The following CFAP46 variants were observed in gnomAD, a reference collection of about 807,000 sequenced individuals.
CFAP46 encodes the protein cilia and flagella associated protein 46.
Under a neutral mutation model 325.7 loss-of-function variants are expected in CFAP46, and 245 were observed. The ratio of observed to expected loss-of-function variants is 0.75; its 90% CI spans 0.68 to 0.84. The LOEUF (loss-of-function observed/expected upper bound fraction) is 0.84, where lower values mean the gene tolerates loss of function less well. CFAP46 is among the 40% of genes least tolerant of loss of function. CFAP46 has a pLI of 0.00. For synonymous variants in CFAP46, 1,523 were observed against 1,495.9 expected (o/e 1.02, Z -0.42); for missense variants, 3,346 against 3,543.0 (o/e 0.94, Z 1.41).
intron 54 of CFAP46, 56 bp from the exon 55 acceptor site, chr10:132,812,953 A>G: frequency 1.5e-6 from 2 of 1,376,388 alleles, no homozygotes; most frequent in East Asian, 2.3e-5. Flanking sequence ...ACCAGACCCC[A>G]CCGTGCGTTC....
intron 32 of CFAP46, among the ~76,000 whole-genome samples, chr10:132,872,106 C>A (rs1174803601): frequency 6.6e-6 from 1 of 152,040 alleles, no homozygotes; most frequent in Non-Finnish European, 1.5e-5. Flanking sequence ...TCTGGAAAAC[C>A]AAAAAATTCA....
At chr10:132,850,164 C>T (rs946567591) in intron 41 of CFAP46, 80 bp downstream of exon 41, 11 of 1,398,712 alleles carry the variant, frequency 7.9e-6, no homozygotes, top group Admixed American at 4.0e-5. Flanking sequence ...TCACAGGAGT[C>T]CTAAACACTT....
At chr10:132,855,014 C>T (rs950677435) in intron 39 of CFAP46, among the ~76,000 whole-genome samples, 1 of 152,150 alleles carries the variant, frequency 6.6e-6, no homozygotes, top group African/African-American at 2.4e-5. Context: ...GTTGGGTGAA[C>T]GTTCTAGAAA....
intron 41 of CFAP46, 46 bp downstream of exon 41, chr10:132,850,198 T>A: frequency 6.5e-7 from 1 of 1,535,888 alleles, no homozygotes; most frequent in South Asian, 1.2e-5. Flanking sequence ...CAGGCACGGG[T>A]GACTGGTGTT....
At chr10:132,810,736 C>T (rs1410499110) in intron 56 of CFAP46, 7 of 722,970 alleles carry the variant, frequency 9.7e-6, no homozygotes, top group Non-Finnish European at 1.8e-5. Context: ...GGGGACCCGG[C>T]TCCCGTGGGC....
At position 132,924,800 on chromosome 10, in the gene CFAP46, G is replaced by A. The variant is rs986112144; in HGVS notation, c.1152C>T (p.Cys384=). Residue 384 remains cysteine, a synonymous_variant, in exon 11 of 58, where the codon TGC becomes TGT. Coordinates refer to ENST00000368586, the MANE Select transcript of CFAP46 (RefSeq NM_001200049.3). ...LGDPRVIHVV[C]ATQWNTCLPL... ...GCAGGCAGGTGTTCCACTGCGTGGC[G>A]CACACCACGTGGATGACCCGGGGGT... 14 of 1,506,238 alleles carry A rather than the reference G, an allele frequency of 9.3e-6. No individual in the cohort carries two copies. Among genetic ancestry groups the A allele is most frequent in the Admixed American group, 9.2e-5 (4 of 43,432 alleles). 93.3% of individuals were successfully genotyped at this position (1,506,238 alleles called of 1,614,324 possible). A position where few individuals can be genotyped will look rare whatever the true frequency, so the allele number is the denominator to read the frequency against.
At position 132,908,533 on chromosome 10, in the gene CFAP46, C is replaced by T. The variant is rs1283507750; in HGVS notation, c.2859G>A (p.Glu953=). The change falls in exon 22 of 58, where the codon GAG becomes GAA. Residue 953 remains glutamate, a synonymous_variant. Transcript: ENST00000368586. ...CCCTGTGAGCACAGGCCATGGTGGT[C>T]TCATGGTCACGCGCTGCATGGGCGA... The part of the protein sequence containing the change: ...THFAHAARDH[E]TTMACAHRAL... The T allele has an allele frequency of 1.3e-6, 2 of 1,550,436 alleles. No homozygotes were observed. The highest frequency in any genetic ancestry group is 1.7e-6 in the Non-Finnish European group (2 of 1,146,992).
chr10:132,938,469 A>C, intron 5 of CFAP46, 120 bp downstream of exon 5: 1 of 972,566 alleles, frequency 1.0e-6, no homozygotes, highest in East Asian at 2.4e-5. Flanking sequence ...GAGAGAACGC[A>C]CATGGAGTGT....
intron 44 of CFAP46, among the ~76,000 whole-genome samples, chr10:132,837,430 C>G (rs1848270688): frequency 6.6e-6 from 1 of 151,648 alleles, no homozygotes; most frequent in Non-Finnish European, 1.5e-5. Context: ...CGGACACAGA[C>G]ACCCACCCGT....
chr10:132,894,754 A>C (rs1849298790), intron 24 of CFAP46, among the ~76,000 whole-genome samples: 1 of 152,196 alleles, frequency 6.6e-6, no homozygotes, highest in Non-Finnish European at 1.5e-5. Flanking sequence ...ACACACCCAG[A>C]CTGACTCAGG....
intron 22 of CFAP46, among the ~76,000 whole-genome samples, chr10:132,906,589 G>A (rs1451577566): frequency 1.5e-5 from 1 of 65,980 alleles, no homozygotes; most frequent in African/African-American, 5.9e-5. Flanking sequence ...AAGAGTGAAC[G>A]GGGTCCTGGC....
chr10:132,909,106 C>G (rs1849502390), intron 21 of CFAP46, 31 bp downstream of exon 21: 4 of 1,512,134 alleles, frequency 2.6e-6, no homozygotes, highest in South Asian at 2.4e-5. Flanking sequence ...CTCTTGGCCC[C>G]TGGCCTCCCG....
intron 27 of CFAP46, among the ~76,000 whole-genome samples, chr10:132,883,819 G>A (rs978948508): frequency 1.3e-5 from 2 of 152,228 alleles, no homozygotes; most frequent in African/African-American, 2.4e-5. Flanking sequence ...GAAGGACCAC[G>A]TAATGCTTGG....
intron 35 of CFAP46, among the ~76,000 whole-genome samples, chr10:132,861,531 G>A (rs1442496353): frequency 6.6e-6 from 1 of 152,258 alleles, no homozygotes; most frequent in African/African-American, 2.4e-5. Context: ...CCTGGACACG[G>A]ATGCTGAGCG....
At chr10:132,906,829 G>A (rs373963478) in intron 22 of CFAP46, among the ~76,000 whole-genome samples, 1 of 149,132 alleles carries the variant, frequency 6.7e-6, no homozygotes, top group African/African-American at 2.5e-5. Flanking sequence ...AAGAGTGAAC[G>A]GGGTCTTGGC....
chr10:132,822,440 G>T (rs1207764292), intron 50 of CFAP46, among the ~76,000 whole-genome samples: 2 of 145,782 alleles, frequency 1.4e-5, no homozygotes, highest in African/African-American at 5.1e-5. Flanking sequence ...TGTGCTGTGT[G>T]TGCAGTGATG....
intron 11 of CFAP46, among the ~76,000 whole-genome samples, chr10:132,923,858 A>T (rs1053985895): frequency 6.6e-6 from 1 of 152,172 alleles, no homozygotes; most frequent in Admixed American, 6.5e-5. Context: ...GCCCCAGAGA[A>T]ATCTTCCATT....
intron 50 of CFAP46, among the ~76,000 whole-genome samples, chr10:132,821,677 T>TGC (rs1332134072): frequency 7.9e-6 from 1 of 126,476 alleles, no homozygotes; most frequent in Non-Finnish European, 1.6e-5. Flanking sequence ...GTGCTGTGTG[T>TGC]GCTGATGTGT....
intron 27 of CFAP46, among the ~76,000 whole-genome samples, chr10:132,883,998 A>G (rs1849085033): frequency 6.6e-6 from 1 of 152,190 alleles, no homozygotes; most frequent in Non-Finnish European, 1.5e-5. Context: ...AACATGTTGT[A>G]CCTCTAACAA....
Sources: gnomAD v4.1 joint callset for allele counts (sites outside exome capture counted in the v4.1 genomes callset) on GRCh38, gnomAD v4.1.1 for gene constraint, MANE v1.5 for transcripts, NCBI Gene and HGNC (gene_info 2026-07-23, HGNC 2026-07-21) for gene names.